The following GALNTL6 variants were observed in gnomAD, a reference collection of about 807,000 sequenced individuals.
The protein encoded by GALNTL6 is polypeptide N-acetylgalactosaminyltransferase like 6.
GALNTL6 carries 46 observed loss-of-function variants against 73.7 expected under a neutral mutation model. The observed-to-expected ratio is 0.62, with a 90% CI of 0.49 to 0.80. The LOEUF (loss-of-function observed/expected upper bound fraction) is 0.80. Among genes scored for constraint, GALNTL6 ranks in the 30% least tolerant of loss-of-function variants. The pLI is 0.00. For missense variants in GALNTL6, 604 were observed against 755.0 expected (o/e 0.80, Z 2.34); for synonymous variants, 259 against 263.7 (o/e 0.98, Z 0.17).
intron 2 of GALNTL6, among the ~76,000 whole-genome samples, chr4:171,893,018 T>C (rs1232655600): frequency 1.3e-5 from 2 of 152,034 alleles, no homozygotes; most frequent in Non-Finnish European, 2.9e-5. Flanking sequence ...CAATAATAGG[T>C]AGTATGTGTT....
At chr4:172,916,370 C>T (rs1374027217) in intron 8 of GALNTL6, among the ~76,000 whole-genome samples, 1 of 152,142 alleles carries the variant, frequency 6.6e-6, no homozygotes, top group South Asian at 2.1e-4. Flanking sequence ...CACTCCTATT[C>T]AACATAGTGT....
intron 3 of GALNTL6, among the ~76,000 whole-genome samples, chr4:172,254,563 C>T (rs1433932852): frequency 3.6e-4 from 54 of 151,634 alleles, no homozygotes; most frequent in Non-Finnish European, 4.4e-5. Flanking sequence ...TTTCATTATC[C>T]ACTTAACATT....
At chr4:172,464,711 A>AAATAAT (rs541423027) in intron 5 of GALNTL6, among the ~76,000 whole-genome samples, 8 of 150,988 alleles carry the variant, frequency 5.3e-5, no homozygotes, top group Admixed American at 2.0e-4. Context: ...TCTGTCTCAA[A>AAATAAT]AATAATAATA....
intron 2 of GALNTL6, among the ~76,000 whole-genome samples, chr4:171,971,689 A>G (rs1350948209): frequency 6.6e-6 from 1 of 152,206 alleles, no homozygotes; most frequent in African/African-American, 2.4e-5. Flanking sequence ...TTGAAATGCA[A>G]TGGGTCTGGT....
chr4:172,624,639 G>A (rs1739092520), intron 5 of GALNTL6, among the ~76,000 whole-genome samples: 1 of 152,050 alleles, frequency 6.6e-6, no homozygotes, highest in African/African-American at 2.4e-5. Context: ...ACATTGAGGA[G>A]ACTAACAAGT....
chr4:172,206,830 T>G (rs1487451645), intron 2 of GALNTL6, among the ~76,000 whole-genome samples: 2 of 108,604 alleles, frequency 1.8e-5, no homozygotes, highest in South Asian at 4.6e-4. Flanking sequence ...TTTTTTTTTT[T>G]TTTTTGAGAC....
At chr4:172,557,867 C>T (rs553260644) in intron 5 of GALNTL6, among the ~76,000 whole-genome samples, 42 of 151,744 alleles carry the variant, frequency 2.8e-4, no homozygotes, top group African/African-American at 9.9e-4. Flanking sequence ...CATATATCTA[C>T]CTATGACCCA....
At chr4:172,094,901 T>C in intron 2 of GALNTL6, among the ~76,000 whole-genome samples, 1 of 152,188 alleles carries the variant, frequency 6.6e-6, no homozygotes, top group African/African-American at 2.4e-5. Flanking sequence ...GATTTTTTTT[T>C]GCATTCCTGG....
At chr4:172,798,419 G>A (rs1740409880) in intron 5 of GALNTL6, among the ~76,000 whole-genome samples, 1 of 152,134 alleles carries the variant, frequency 6.6e-6, no homozygotes, top group African/African-American at 2.4e-5. Context: ...TTCAAAGTGT[G>A]TAGCACCTTC....
In GALNTL6 at chr4:172,452,930, C is replaced by T. The variant is rs191353489; in HGVS notation, c.553+104241C>T. On this transcript the variant is annotated intron_variant, in intron 5 of 12. Coordinates refer to ENST00000506823, the MANE Select transcript of GALNTL6 (RefSeq NM_001034845.3). The stretch of plus-strand genomic sequence containing the variant: ...AATGCTAAGATGTGAGGGCCAGGTG[C>T]GGTGGCTCACACCTGTAATCCCAAA... 8.6e-4 allele frequency among the ~76,000 whole-genome samples: 131 copies of T among 152,294 alleles called. 1 individual carries two copies. The highest frequency in any genetic ancestry group is 7.5e-3 in the East Asian group (39 of 5,184).
chr4:173,015,421 A>G (rs1222708853), intron 11 of GALNTL6, among the ~76,000 whole-genome samples: 3 of 152,226 alleles, frequency 2.0e-5, no homozygotes, highest in Non-Finnish European at 2.9e-5. Context: ...AGAAGACAGG[A>G]AAATGCAGGA....
At chr4:172,950,322 A>G (rs1324616830) in intron 9 of GALNTL6, among the ~76,000 whole-genome samples, 1 of 152,196 alleles carries the variant, frequency 6.6e-6, no homozygotes. Flanking sequence ...TCTCTCAGGG[A>G]ACAATTCTCA....
chr4:172,370,630 CAAA>C (rs71592072), intron 5 of GALNTL6, among the ~76,000 whole-genome samples: 5 of 59,842 alleles, frequency 8.4e-5, no homozygotes, highest in African/African-American at 1.9e-4. Context: ...GACTCCATCT[CAAA>C]AAAAAAAAAA....
At chr4:172,391,993 T>G (rs1279878224) in intron 5 of GALNTL6, among the ~76,000 whole-genome samples, 2 of 148,852 alleles carry the variant, frequency 1.3e-5, no homozygotes, top group East Asian at 3.9e-4. Context: ...TTTTAAACAG[T>G]TTTTTTTTTC....
At chr4:172,747,143 G>A (rs893678383) in intron 5 of GALNTL6, among the ~76,000 whole-genome samples, 1 of 152,024 alleles carries the variant, frequency 6.6e-6, no homozygotes, top group African/African-American at 2.4e-5. Context: ...ACCCCAAAAT[G>A]CAGTTAGTGA....
intron 2 of GALNTL6, among the ~76,000 whole-genome samples, chr4:171,885,994 C>G (rs1382918840): frequency 6.6e-6 from 1 of 151,870 alleles, no homozygotes; most frequent in African/African-American, 2.4e-5. Flanking sequence ...GAGATGTAGA[C>G]AAGTAGAATA....
intron 2 of GALNTL6, among the ~76,000 whole-genome samples, chr4:171,973,320 A>C (rs1739625853): frequency 1.3e-5 from 2 of 152,210 alleles, no homozygotes; most frequent in Non-Finnish European, 2.9e-5. Context: ...GCCCAAAACA[A>C]TAGAAATGTA....
chr4:172,945,967 A>C (rs1749147217), intron 9 of GALNTL6, among the ~76,000 whole-genome samples: 1 of 152,242 alleles, frequency 6.6e-6, no homozygotes, highest in African/African-American at 2.4e-5. Context: ...ACTCTTAAGC[A>C]TCAAAGAGGA....
intron 4 of GALNTL6, among the ~76,000 whole-genome samples, chr4:172,341,733 C>T (rs1741574052): frequency 6.6e-6 from 1 of 152,160 alleles, no homozygotes. Flanking sequence ...ACTTGCTCCT[C>T]CTTCCCTCCC....
Sources: allele counts gnomAD v4.1 joint callset (sites outside exome capture counted in the v4.1 genomes callset), GRCh38; gene constraint gnomAD v4.1.1; transcripts MANE v1.5; gene names NCBI Gene and HGNC (gene_info 2026-07-23, HGNC 2026-07-21).